Variants in FAT3 observed in about 807,000 individuals in gnomAD.
FAT3 encodes FAT atypical cadherin 3.
FAT3 carries 95 observed loss-of-function variants against 310.2 expected under a neutral mutation model. The observed-to-expected ratio is 0.31, with a 90% CI of 0.26 to 0.36. The LOEUF is 0.36. Ranked by LOEUF, FAT3 falls within the 10% of genes least tolerant of loss-of-function variation. The probability of loss-of-function intolerance (pLI) is 1.00; values close to 1 mark genes in which losing one functional copy is unlikely to be tolerated. For synonymous variants in FAT3, 2,314 were observed against 2,192.9 expected, an observed-to-expected ratio of 1.06 and a Z score of -1.54; for missense variants, 5,408 against 5,715.6, an observed-to-expected ratio of 0.95 and a Z score of 1.74.
chr11:92,817,178 G>T (rs996187019), intron 13 of FAT3, among the ~76,000 whole-genome samples: 4 of 152,116 alleles, frequency 2.6e-5, no homozygotes, highest in African/African-American at 9.7e-5. Flanking sequence ...GCCCTGAGGA[G>T]ATGCAGGAGT....
At chr11:92,426,976 A>G (rs1325209047) in intron 2 of FAT3, among the ~76,000 whole-genome samples, 1 of 152,058 alleles carries the variant, frequency 6.6e-6, no homozygotes, top group African/African-American at 2.4e-5. Flanking sequence ...TAGTATGGCC[A>G]TTTTCACGCT....
chr11:92,801,376 C>A lies in FAT3; in HGVS notation c.8363C>A (p.Pro2788His), dbSNP rs762719647. The A allele has an allele frequency of 4.3e-6, 7 of 1,613,872 alleles. No individual in the cohort carries two copies. The East Asian group carries it at 1.3e-4, about 31-fold the overall frequency. Residue 2788 changes from proline to histidine, a missense_variant, in exon 10 of 28, where the codon CCC becomes CAC. Physicochemically the swap from Pro to His is moderately conservative, Grantham distance 77. This residue lies in a region of FAT3 where 4,588 missense variants were observed against 4,809.8 expected (regional missense o/e 0.95). Coordinates refer to ENST00000525166, the MANE Select transcript of FAT3 (RefSeq NM_001367949.2). ...AFHFKVAATI[P>H]LDKVDIVFTV... is the part of the protein sequence containing the mutation. ...CACTTTAAAGTAGCAGCCACTATAC[C>A]CCTGGACAAAGTAGACATTGTGTTT...
chr11:92,570,480 G>A (rs750193655), intron 3 of FAT3, among the ~76,000 whole-genome samples: 1 of 152,126 alleles, frequency 6.6e-6, no homozygotes, highest in Non-Finnish European at 1.5e-5. Context: ...ATGCACAAGG[G>A]AAGAGAACAG....
intron 2 of FAT3, among the ~76,000 whole-genome samples, chr11:92,410,991 T>A (rs1950245293): frequency 6.7e-6 from 1 of 149,180 alleles, no homozygotes; most frequent in Non-Finnish European, 1.5e-5. Flanking sequence ...AATGCATACA[T>A]CAAAGGTCTT....
chr11:92,525,071 G>A (rs2135363628), intron 3 of FAT3, 123 bp downstream of exon 3: 1 of 872,444 alleles, frequency 1.1e-6, no homozygotes, highest in Non-Finnish European at 1.7e-6. Flanking sequence ...TTCTGAGAAT[G>A]GTTTCTGAAA....
intron 3 of FAT3, among the ~76,000 whole-genome samples, chr11:92,683,947 G>A (rs561270554): frequency 2.0e-5 from 3 of 152,186 alleles, no homozygotes; most frequent in Non-Finnish European, 4.4e-5. Context: ...TGCTAAACCC[G>A]GCACGAGTTC....
rs140096940 is a variant in FAT3 at position 92,665,046 on chromosome 11, G to A, written c.3608-32338G>A. ...ATTTGTCATCCATGACAGTTGCAGT[G>A]CTGATCTGCACTCACGTTCCTCCAA... is the stretch of plus-strand genomic sequence containing the variant. On this transcript the variant is annotated intron_variant, in intron 3 of 27. Transcript: ENST00000525166. Among the ~76,000 whole-genome samples, 38 of 152,328 alleles carry A rather than the reference G, an allele frequency of 2.5e-4. No homozygotes were observed. The East Asian group carries it at 6.0e-3, about 24-fold the overall frequency.
At chr11:92,688,203 T>TATTA (rs759462856) in intron 3 of FAT3, among the ~76,000 whole-genome samples, 9 of 152,058 alleles carry the variant, frequency 5.9e-5, no homozygotes, top group African/African-American at 9.6e-5. Context: ...TGTCTTTAAA[T>TATTA]ATTAATTAAT....
At chr11:92,598,231 T>TATA (rs1555095779) in intron 3 of FAT3, among the ~76,000 whole-genome samples, 1,804 of 71,074 alleles carry the variant, frequency 0.025, 30 homozygotes, top group African/African-American at 0.097. Flanking sequence ...TATATATATA[T>TATA]TTTTTTTTTT....
At chr11:92,640,954 C>T (rs1792346) in intron 3 of FAT3, among the ~76,000 whole-genome samples, 43,843 of 152,012 alleles carry the variant, frequency 0.29, 6,669 homozygotes, top group Non-Finnish European at 0.33. Context: ...CACCTGCAAT[C>T]CCAGCACTTT....
chr11:92,516,098 A>G (rs559237530), intron 2 of FAT3, among the ~76,000 whole-genome samples: 5 of 152,284 alleles, frequency 3.3e-5, no homozygotes, highest in South Asian at 4.1e-4. Context: ...AAATTATTCC[A>G]AACAATAGAA....
chr11:92,403,831 T>A (rs1373666035), intron 2 of FAT3, among the ~76,000 whole-genome samples: 1 of 152,140 alleles, frequency 6.6e-6, no homozygotes, highest in Non-Finnish European at 1.5e-5. Context: ...GGTCAGGAGA[T>A]GGAGACCATC....
intron 7 of FAT3, 93 bp from the exon 8 acceptor site, chr11:92,789,850 C>A: frequency 7.5e-7 from 1 of 1,326,642 alleles, no homozygotes; most frequent in Non-Finnish European, 1.1e-6. Flanking sequence ...GATCCAAGGA[C>A]GGGGAAGCGG....
intron 3 of FAT3, among the ~76,000 whole-genome samples, chr11:92,533,872 C>T (rs1172827610): frequency 6.6e-6 from 1 of 151,868 alleles, no homozygotes; most frequent in Non-Finnish European, 1.5e-5. Context: ...TTGGAAATTA[C>T]TGAGAATTAT....
intron 3 of FAT3, among the ~76,000 whole-genome samples, chr11:92,541,341 A>T (rs747561365): frequency 9.2e-5 from 14 of 152,202 alleles, no homozygotes; most frequent in Non-Finnish European, 1.8e-4. Context: ...GGGATTTCTC[A>T]ACTCATTTTT....
rs1240367261 is a variant in FAT3, at chr11:92,513,053, C to T, written c.3293-11581C>T. ...AGGAGAATGGCGTGAACCCGGGAGG[C>T]GGAGCTTGCAGTGAGCCGAGATCGC... On this transcript the variant is annotated intron_variant, in intron 2 of 27. Coordinates refer to ENST00000525166, the MANE Select transcript of FAT3 (RefSeq NM_001367949.2). Among the ~76,000 whole-genome samples the T allele has an allele frequency of 9.1e-5, 4 of 44,126 alleles. 1 individual carries two copies. Among genetic ancestry groups the T allele is most frequent in the Admixed American group, 2.6e-4 (1 of 3,844 alleles). The allele number at this position is 44,126 out of a possible 152,430, so 28.9% of individuals were successfully genotyped here.
intron 3 of FAT3, among the ~76,000 whole-genome samples, chr11:92,531,624 G>C (rs993257117): frequency 2.6e-5 from 4 of 152,032 alleles, no homozygotes; most frequent in African/African-American, 9.7e-5. Flanking sequence ...TTCATGTCTT[G>C]CTAACCCACT....
chr11:92,814,111 C>T (rs1947755897), intron 13 of FAT3, among the ~76,000 whole-genome samples: 1 of 152,198 alleles, frequency 6.6e-6, no homozygotes, highest in Non-Finnish European at 1.5e-5. Context: ...GTGCCTTGAT[C>T]TTGGACTTCC....
rs943827254 is a variant in FAT3, at chr11:92,857,430, C to T, written c.11500+82C>T. On this transcript the variant is annotated intron_variant, in intron 20 of 27. Coordinates refer to ENST00000525166, the MANE Select transcript of FAT3 (RefSeq NM_001367949.2). ...CTTGAGTAAATTACACCATCCAAGT[C>T]CTCCCAGAAAACGTTTCTTTATGCA... The T allele has an allele frequency of 1.9e-6, 3 of 1,572,714 alleles. No homozygotes were observed. The African/African-American group carries it at 4.1e-5, about 21-fold the overall frequency.
Sources: gnomAD v4.1 joint callset for allele counts (sites outside exome capture counted in the v4.1 genomes callset) on GRCh38, gnomAD v4.1.1 for gene constraint, gnomAD v4.1.1 regional missense constraint, MANE v1.5 for transcripts, NCBI Gene and HGNC (gene_info 2026-07-23, HGNC 2026-07-21) for gene names.